Variants in CDH10 observed in about 807,000 individuals in gnomAD.
CDH10 encodes cadherin 10.
Under a neutral mutation model 73.1 loss-of-function variants are expected in CDH10, and 30 were observed. The ratio of observed to expected loss-of-function variants is 0.41; its 90% CI spans 0.31 to 0.56. The LOEUF is 0.56. Ranked by LOEUF, CDH10 falls within the 20% of genes least tolerant of loss-of-function variation. CDH10 has a pLI of 0.27. For missense variants in CDH10, 815 were observed against 973.7 expected (o/e 0.84, Z 2.17); for synonymous variants, 345 against 348.2 (o/e 0.99, Z 0.10).
At position 24,567,277 on chromosome 5, in the gene CDH10, T is replaced by C. The variant is rs539240512; in HGVS notation, c.231+25983A>G. Among the ~76,000 whole-genome samples, 269 of 151,840 alleles carry C rather than the reference T, an allele frequency of 1.8e-3. 1 individual carries two copies. Among genetic ancestry groups the C allele is most frequent in the Admixed American group, 5.1e-3 (78 of 15,232 alleles). On this transcript the variant is annotated intron_variant, in intron 2 of 11. Transcript: ENST00000264463. ...GTGTAAATTTTTACATATATCCACC[T>C]GAGAAAATGAGAATGTTCTCATTAA...
intron 5 of CDH10, among the ~76,000 whole-genome samples, chr5:24,522,939 T>C (rs1743395177): frequency 6.6e-6 from 1 of 152,108 alleles, no homozygotes; most frequent in South Asian, 2.1e-4. Context: ...TTCATACATT[T>C]AGTGCTGTAG....
chr5:24,488,149 T>C lies in CDH10; in HGVS notation c.1881A>G (p.Ile627Met), dbSNP rs1579705403. Residue 627 changes from isoleucine (I) to methionine (M), a missense_variant, in exon 12 of 12, where the codon ATA becomes ATG. Transcript: ENST00000264463. ...ILLCIIILLV[I>M]VVLFAALKRQ... Reference sequence around the variant, plus strand: ...TTTTCAGAGCTGCAAACAGTACTACTATAACTTGAAAAAAGACAAGAAGAT... The same window carrying C: ...TTTTCAGAGCTGCAAACAGTACTACCATAACTTGAAAAAAGACAAGAAGAT... The C allele has an allele frequency of 1.3e-6, 2 of 1,595,548 alleles. No individual in the cohort carries two copies.
Position 24,516,215 on chromosome 5 carries a change from C to T in CDH10, c.815-4701G>A, listed in dbSNP as rs116799991. Among the ~76,000 whole-genome samples the T allele has an allele frequency of 5.0e-3, 766 of 152,194 alleles. 2 individuals carry two copies. The highest frequency in any genetic ancestry group is 0.027 in the Middle Eastern group (8 of 294). Reference sequence around the variant, plus strand: ...AAGACTATCACTGAATCAGTCTGTTCGTAGTGTATTATATCATAGCAGGGA... The same window carrying T: ...AAGACTATCACTGAATCAGTCTGTTTGTAGTGTATTATATCATAGCAGGGA... On this transcript the variant is annotated intron_variant, in intron 5 of 11. Transcript: ENST00000264463.
At chr5:24,559,898 T>C (rs972014603) in intron 2 of CDH10, among the ~76,000 whole-genome samples, 5 of 152,150 alleles carry the variant, frequency 3.3e-5, no homozygotes, top group Non-Finnish European at 5.9e-5. Context: ...GCTATATGGC[T>C]TTTGGCCAGA....
At chr5:24,584,949 T>C (rs7719769) in intron 2 of CDH10, among the ~76,000 whole-genome samples, 27,183 of 150,130 alleles carry the variant, frequency 0.18, 2,608 homozygotes, top group East Asian at 0.23. Context: ...GAGGCTCAGG[T>C]GATCTTTTCA....
intron 11 of CDH10, among the ~76,000 whole-genome samples, chr5:24,489,413 G>A (rs974557638): frequency 2.0e-5 from 3 of 152,010 alleles, no homozygotes; most frequent in African/African-American, 7.2e-5. Context: ...AAAGCAAATA[G>A]GCAGAACTTT....
intron 2 of CDH10, among the ~76,000 whole-genome samples, chr5:24,588,328 C>T (rs1579849356): frequency 6.6e-6 from 1 of 152,140 alleles, no homozygotes; most frequent in East Asian, 1.9e-4. Context: ...ATCCCTGTAT[C>T]CCCTACCCCA....
chr5:24,570,863 G>GT (rs1745354012), intron 2 of CDH10, among the ~76,000 whole-genome samples: 1 of 149,708 alleles, frequency 6.7e-6, no homozygotes, highest in Non-Finnish European at 1.5e-5. Context: ...AATATTTTTT[G>GT]TTTTTTCAAA....
chr5:24,565,737 G>T (rs544907744), intron 2 of CDH10, among the ~76,000 whole-genome samples: 1 of 151,626 alleles, frequency 6.6e-6, no homozygotes, highest in African/African-American at 2.4e-5. Flanking sequence ...GAGAACTCTC[G>T]CTCTCTGTCT....
intron 8 of CDH10, among the ~76,000 whole-genome samples, chr5:24,503,390 T>G (rs1036871343): frequency 3.3e-5 from 5 of 152,214 alleles, no homozygotes; most frequent in Non-Finnish European, 7.3e-5. Context: ...CAGGTTTGCA[T>G]GTACATGTGC....
In CDH10 at chr5:24,509,706, T is replaced by A. The variant is rs2111752461; in HGVS notation, c.1116A>T (p.Lys372Asn). 6.2e-7 allele frequency: 1 copy of A among 1,613,336 alleles called. No homozygotes were observed. The highest frequency in any genetic ancestry group is 8.5e-7 in the Non-Finnish European group (1 of 1,179,302). The part of the protein sequence containing the change: ...LGPFKDTTIV[K>N]ISIEDVDEPP... ...GTTCATCCACATCTTCTATAGAGATTTTCACTATGGTAGTATCTTTAAATG... is the reference window on the plus strand; with the variant it reads ...GTTCATCCACATCTTCTATAGAGATATTCACTATGGTAGTATCTTTAAATG... Residue 372 changes from lysine (K) to asparagine (N), a missense_variant, in exon 7 of 12, where the codon AAA becomes AAT. Coordinates refer to ENST00000264463, the MANE Select transcript of CDH10 (RefSeq NM_006727.5).
chr5:24,625,412 A>G (rs536373696), intron 1 of CDH10, among the ~76,000 whole-genome samples: 1 of 151,938 alleles, frequency 6.6e-6, no homozygotes, highest in East Asian at 1.9e-4. Flanking sequence ...CCAAGGTGAA[A>G]TTTCCAAATG....
At chr5:24,569,435 A>T (rs113747172) in intron 2 of CDH10, among the ~76,000 whole-genome samples, 2,201 of 151,522 alleles carry the variant, frequency 0.015, 62 homozygotes, top group African/African-American at 0.051. Flanking sequence ...GGAATTTTAG[A>T]AGCATATTGA....
At chr5:24,524,911 T>C (rs1743470925) in intron 5 of CDH10, among the ~76,000 whole-genome samples, 1 of 152,132 alleles carries the variant, frequency 6.6e-6, no homozygotes, top group African/African-American at 2.4e-5. Flanking sequence ...GATGCATTTA[T>C]GGTTTTTCAC....
At chr5:24,537,311 T>C in intron 3 of CDH10, 69 bp downstream of exon 3, 1 of 980,088 alleles carries the variant, frequency 1.0e-6, no homozygotes, top group Non-Finnish European at 1.5e-6. Flanking sequence ...TTGATTATAC[T>C]ATTATAAGAA....
chr5:24,507,118 C>T (rs76826586), intron 7 of CDH10, among the ~76,000 whole-genome samples: 1 of 152,052 alleles, frequency 6.6e-6, no homozygotes. Context: ...TTAACATTCA[C>T]AAGATATGAC....
intron 2 of CDH10, among the ~76,000 whole-genome samples, chr5:24,558,722 T>C (rs1177995076): frequency 3.3e-5 from 5 of 151,772 alleles, no homozygotes; most frequent in Admixed American, 6.6e-5. Flanking sequence ...TTTTTAAATA[T>C]TGTAAGATAC....
At chr5:24,529,689 C>G (rs567053456) in intron 5 of CDH10, among the ~76,000 whole-genome samples, 1 of 152,034 alleles carries the variant, frequency 6.6e-6, no homozygotes, top group South Asian at 2.1e-4. Flanking sequence ...ACCCTGCATA[C>G]ATATGAGAGA....
At chr5:24,541,836 C>T (rs1744168759) in intron 2 of CDH10, among the ~76,000 whole-genome samples, 1 of 152,008 alleles carries the variant, frequency 6.6e-6, no homozygotes, top group Non-Finnish European at 1.5e-5. Flanking sequence ...AAATTCACAA[C>T]CAGATAAAGG....
Sources: gnomAD v4.1 joint callset for allele counts (sites outside exome capture counted in the v4.1 genomes callset) on GRCh38, gnomAD v4.1.1 for gene constraint, MANE v1.5 for transcripts, NCBI Gene and HGNC (gene_info 2026-07-23, HGNC 2026-07-21) for gene names.